The following PRKG1 variants were observed in gnomAD, a reference collection of about 807,000 sequenced individuals.
The protein encoded by PRKG1 is cGMP-dependent protein kinase 1.
A neutral mutation model predicts 88.1 loss-of-function variants in PRKG1; 35 were observed. The observed-to-expected ratio is 0.40, with a 90% CI of 0.30 to 0.53. The LOEUF (loss-of-function observed/expected upper bound fraction) is 0.53. Among genes scored for constraint, PRKG1 ranks in the 20% least tolerant of loss-of-function variants. PRKG1 has a pLI of 0.59. For synonymous variants in PRKG1, 303 were observed against 292.5 expected (o/e 1.04, Z -0.37); for missense variants, 540 against 839.8 (o/e 0.64, Z 4.41).
chr10:51,797,316 T>C (rs186691210), intron 3 of PRKG1, among the ~76,000 whole-genome samples: 16 of 147,818 alleles, frequency 1.1e-4, no homozygotes, highest in African/African-American at 3.7e-4. Context: ...TATTTTTTAC[T>C]TATATATATA....
At chr10:51,895,861 C>A (rs934727609) in intron 4 of PRKG1, among the ~76,000 whole-genome samples, 1 of 152,002 alleles carries the variant, frequency 6.6e-6, no homozygotes, top group African/African-American at 2.4e-5. Flanking sequence ...GGTTTCTCTG[C>A]GTGCAATTGC....
chr10:51,067,810 A>C (rs1843771847), intron 1 of PRKG1, among the ~76,000 whole-genome samples: 1 of 152,056 alleles, frequency 6.6e-6, no homozygotes, highest in Non-Finnish European at 1.5e-5. Flanking sequence ...TACTTTAGAT[A>C]TTGCTGCTTT....
At chr10:51,184,471 G>A (rs994483624) in intron 2 of PRKG1, among the ~76,000 whole-genome samples, 1 of 151,504 alleles carries the variant, frequency 6.6e-6, no homozygotes, top group South Asian at 2.1e-4. Context: ...TTCCAAACAT[G>A]CTAAAGGCTA....
chr10:51,849,354 T>C (rs150846928), intron 4 of PRKG1, among the ~76,000 whole-genome samples: 17 of 152,226 alleles, frequency 1.1e-4, no homozygotes, highest in African/African-American at 3.9e-4. Context: ...ATAAAACGAG[T>C]ATTAAGTGAT....
intron 5 of PRKG1, among the ~76,000 whole-genome samples, chr10:51,935,425 G>A (rs906112241): frequency 1.3e-5 from 2 of 152,056 alleles, no homozygotes; most frequent in African/African-American, 2.4e-5. Context: ...ATTCAATTCG[G>A]TAAACAGTTA....
At position 52,290,262 on chromosome 10, in the gene PRKG1, G is replaced by T. The variant is rs2132462447; in HGVS notation, c.1934G>T (p.Gly645Val). ...EGFNWEGLRK[G>V]TLTPPIIPSV... ...TTTAACTGGGAAGGCTTAAGAAAAG[G>T]TACCTTGACACCTCCTATAATACCA... The change falls in exon 17 of 18, where the codon GGT (glycine) becomes GTT (valine). Residue 645 changes from glycine (G) to valine (V), a missense_variant. Gly to Val is a moderately radical substitution (Grantham distance 109). Coordinates refer to ENST00000373980, the MANE Select transcript of PRKG1 (RefSeq NM_006258.4). 2 of 1,612,912 alleles carry T rather than the reference G, an allele frequency of 1.2e-6. No individual in the cohort carries two copies. Among genetic ancestry groups the T allele is most frequent in the Non-Finnish European group, 8.5e-7 (1 of 1,179,288 alleles).
chr10:51,062,429 G>A (rs1843702848), intron 1 of PRKG1: 1 of 151,996 alleles, frequency 6.6e-6, no homozygotes, highest in Non-Finnish European at 1.5e-5. Flanking sequence ...CTTTTCTCTG[G>A]GATATTGGCC....
chr10:51,569,799 C>T (rs944216045), intron 3 of PRKG1, among the ~76,000 whole-genome samples: 3 of 151,860 alleles, frequency 2.0e-5, no homozygotes, highest in African/African-American at 4.8e-5. Flanking sequence ...AAAACGTATG[C>T]CTCCCTGATG....
intron 4 of PRKG1, among the ~76,000 whole-genome samples, chr10:51,859,619 C>T (rs1052243950): frequency 2.6e-5 from 4 of 152,060 alleles, no homozygotes; most frequent in Non-Finnish European, 4.4e-5. Flanking sequence ...GATATTCTTA[C>T]AAAAATGCAC....
Position 51,177,234 on chromosome 10 carries a change from A to G in PRKG1, c.478+23904A>G, listed in dbSNP as rs116785794. Among the ~76,000 whole-genome samples the G allele has an allele frequency of 4.9e-3, 751 of 152,258 alleles. 9 individuals are homozygous for G. The highest frequency in any genetic ancestry group is 0.017 in the African/African-American group (697 of 41,548). The stretch of plus-strand genomic sequence containing the variant: ...ACATTCCTTCACAATCATACTTACC[A>G]TTTGATATAAAGTCTGCAATACATG... On this transcript the variant is annotated intron_variant, in intron 2 of 17. Transcript: ENST00000373980.
chr10:51,300,585 G>A (rs1696289902), intron 2 of PRKG1, among the ~76,000 whole-genome samples: 1 of 152,146 alleles, frequency 6.6e-6, no homozygotes, highest in African/African-American at 2.4e-5. Context: ...TACTTTTGCA[G>A]CAAATACAAA....
At chr10:51,387,977 T>C (rs1837295654) in intron 2 of PRKG1, among the ~76,000 whole-genome samples, 1 of 152,148 alleles carries the variant, frequency 6.6e-6, no homozygotes, top group African/African-American at 2.4e-5. Context: ...AATGTCAGCT[T>C]TGAAGTTAGT....
intron 2 of PRKG1, among the ~76,000 whole-genome samples, chr10:51,214,968 T>C (rs1838332801): frequency 6.6e-6 from 1 of 152,216 alleles, no homozygotes; most frequent in African/African-American, 2.4e-5. Context: ...ACTTGCTCTT[T>C]GAAATTTTCT....
intron 4 of PRKG1, among the ~76,000 whole-genome samples, chr10:51,857,535 T>C (rs2132821220): frequency 6.6e-6 from 1 of 152,280 alleles, no homozygotes; most frequent in African/African-American, 2.4e-5. Flanking sequence ...TGAATAAGAT[T>C]CTGAGTCCCA....
At chr10:51,624,545 G>A (rs1199622376) in intron 3 of PRKG1, among the ~76,000 whole-genome samples, 2 of 152,104 alleles carry the variant, frequency 1.3e-5, no homozygotes, top group African/African-American at 2.4e-5. Context: ...AATCTTTTAA[G>A]TCTTTTCTTT....
At position 51,358,934 on chromosome 10, in the gene PRKG1, TGG is replaced by T. The variant is rs56324062; in HGVS notation, c.479-108779_479-108778del. 1.0e-2 allele frequency among the ~76,000 whole-genome samples: 1,336 copies of T among 134,246 alleles called. 18 individuals are homozygous for T. Among genetic ancestry groups the T allele is most frequent in the Non-Finnish European group, 1.0e-2 (625 of 62,708 alleles). The allele number at this position is 134,246 out of a possible 152,430, so 88.1% of individuals were successfully genotyped here. A position where few individuals can be genotyped will look rare whatever the true frequency, so the allele number is the denominator to read the frequency against. On this transcript the variant is annotated intron_variant, in intron 2 of 17. Transcript: ENST00000373980. ...GTTTTATAAATAAAACGTTATTTAT[TGG>T]GGGGGGGGGTGTGGATTTTGTAGAT...
At chr10:51,316,121 T>A (rs1052044360) in intron 2 of PRKG1, among the ~76,000 whole-genome samples, 12 of 152,170 alleles carry the variant, frequency 7.9e-5, no homozygotes, top group Non-Finnish European at 1.5e-5. Flanking sequence ...AAACTTTTGA[T>A]TTTATCTCAT....
At chr10:51,133,294 A>G (rs1450385239) in intron 1 of PRKG1, among the ~76,000 whole-genome samples, 4 of 152,162 alleles carry the variant, frequency 2.6e-5, no homozygotes, top group African/African-American at 9.7e-5. Context: ...TTCTTATACC[A>G]CAACTGTGCC....
intron 9 of PRKG1, among the ~76,000 whole-genome samples, chr10:52,171,785 AATT>A (rs1838689131): frequency 2.4e-5 from 3 of 122,640 alleles, no homozygotes; most frequent in African/African-American, 3.6e-5. Flanking sequence ...CTTTTATCAA[AATT>A]TTTTTTTTTT....
Sources: gnomAD v4.1 joint callset for allele counts (sites outside exome capture counted in the v4.1 genomes callset) on GRCh38, gnomAD v4.1.1 for gene constraint, MANE v1.5 for transcripts, NCBI Gene and HGNC (gene_info 2026-07-23, HGNC 2026-07-21) for gene names.